SRP19: variants seen among roughly 807,000 people sequenced by gnomAD.
SRP19 encodes signal recognition particle 19 kDa protein.
SRP19 carries 11 observed loss-of-function variants against 22.4 expected under a neutral mutation model. The ratio of observed to expected loss-of-function variants is 0.49; its 90% CI spans 0.31 to 0.81. The LOEUF (loss-of-function observed/expected upper bound fraction) is 0.81. Ranked by LOEUF, SRP19 falls within the 40% of genes least tolerant of loss-of-function variation. The probability of loss-of-function intolerance (pLI) is 0.05; values close to 1 mark genes in which losing one functional copy is unlikely to be tolerated. For missense variants in SRP19, 168 were observed against 175.9 expected (o/e 0.96, Z 0.25); for synonymous variants, 61 against 57.6 (o/e 1.06, Z -0.27).
At chr5:112,873,379 C>T (rs1466144267), downstream of SRP19, among the ~76,000 whole-genome samples, 6 of 128,472 alleles carry the variant, frequency 4.7e-5, no homozygotes, top group Non-Finnish European at 8.1e-5. Flanking sequence ...TGGTGTTTCA[C>T]ACCGTCACCC....
At chr5:112,882,582 A>C (rs1394544522) in intron 4 of SRP19, among the ~76,000 whole-genome samples, 1 of 152,144 alleles carries the variant, frequency 6.6e-6, no homozygotes, top group East Asian at 1.9e-4. Flanking sequence ...CGCAAATCTC[A>C]AGCATGCCTT....
chr5:112,882,948 G>C (rs1330572278), intron 4 of SRP19, among the ~76,000 whole-genome samples: 1 of 152,100 alleles, frequency 6.6e-6, no homozygotes, highest in Non-Finnish European at 1.5e-5. Flanking sequence ...CATAAAACCT[G>C]ATTTCCCTGC....
downstream of SRP19, among the ~76,000 whole-genome samples, chr5:112,871,243 ATTTTTTTTTT>A (rs10592964): frequency 0.014 from 1,350 of 93,986 alleles, 20 homozygotes; most frequent in Middle Eastern, 0.018. Flanking sequence ...CAATCAGTGA[ATTTTTTTTTT>A]TTTTTTTTTT....
rs1274480541 is a variant in SRP19 at position 112,868,998 on chromosome 5, ATG to A, written c.*1465_*1466del. The A allele has an allele frequency of 2.0e-5, 3 of 152,152 alleles. No individual in the cohort carries two copies. The highest frequency in any genetic ancestry group is 7.2e-5 in the African/African-American group (3 of 41,426). The allele number at this position is 152,152 out of a possible 1,614,324, so 9.4% of individuals were successfully genotyped here. A position where few individuals can be genotyped will look rare whatever the true frequency, so the allele number is the denominator to read the frequency against. On this transcript the variant is annotated 3_prime_UTR_variant, in exon 5 of 5. Coordinates refer to ENST00000505459, the MANE Select transcript of SRP19 (RefSeq NM_003135.3). The stretch of plus-strand genomic sequence containing the variant: ...AAATAAATCCTGGGGAGAGGGGAGT[ATG>A]TGTAAAACATAATTCAGAGCAGCCT...
At chr5:112,896,858 G>A (rs1045757281), downstream of SRP19, 1 of 151,910 alleles carries the variant, frequency 6.6e-6, no homozygotes, top group East Asian at 1.9e-4. Context: ...TTGAACCTGG[G>A]AAAGAGGTTA....
intron 4 of SRP19, chr5:112,878,183 A>AAAGT (rs963992580): frequency 3.9e-5 from 6 of 152,662 alleles, no homozygotes; most frequent in African/African-American, 1.4e-4. Flanking sequence ...CGTATTTCCT[A>AAAGT]AAGTATTATT....
intron 4 of SRP19, chr5:112,878,864 A>G: frequency 6.2e-7 from 1 of 1,613,816 alleles, no homozygotes. Context: ...GGAAAGAAAA[A>G]TATATCAAAG....
chr5:112,892,419 G>A, exon 5 of SRP19: 1 of 1,614,098 alleles, frequency 6.2e-7, no homozygotes, highest in Non-Finnish European at 8.5e-7. Context: ...AAGTGATTCA[G>A]TTCAAGGTCA....
chr5:112,886,030 C>G (rs1419563062), intron 4 of SRP19, among the ~76,000 whole-genome samples: 1 of 152,230 alleles, frequency 6.6e-6, no homozygotes, highest in East Asian at 1.9e-4. Context: ...GCGACATGGC[C>G]TCTCCACTTG....
intron 1 of SRP19, 139 bp downstream of exon 1, chr5:112,861,556 C>A (rs888806616): frequency 6.9e-6 from 6 of 866,540 alleles, no homozygotes; most frequent in African/African-American, 1.7e-5. Flanking sequence ...CCGCGCCTCT[C>A]CCTGGCAGCT....
intron 1 of SRP19, 151 bp downstream of exon 1, chr5:112,861,568 G>A: frequency 1.3e-6 from 1 of 784,402 alleles, no homozygotes; most frequent in Non-Finnish European, 2.0e-6. Flanking sequence ...CTGGCAGCTC[G>A]TTTTTCTGAA....
At chr5:112,874,942 A>AT (rs970701000) in intron 4 of SRP19, among the ~76,000 whole-genome samples, 1 of 151,866 alleles carries the variant, frequency 6.6e-6, no homozygotes, top group Non-Finnish European at 1.5e-5. Flanking sequence ...CACCCGGCTA[A>AT]TTTTTTTGTA....
Position 112,868,912 on chromosome 5 carries a change from AAC to A in SRP19, c.*1377_*1378del, listed in dbSNP as rs1767692419. 4.6e-5 allele frequency: 7 copies of A among 152,062 alleles called. No individual in the cohort carries two copies. The highest frequency in any genetic ancestry group is 1.7e-4 in the African/African-American group (7 of 41,394). 9.4% of individuals were successfully genotyped at this position (152,062 alleles called of 1,614,324 possible). On this transcript the variant is annotated 3_prime_UTR_variant, in exon 5 of 5. Transcript: ENST00000505459. ...CTGTTGACTTTTTTTTTTTAACTCTAACAATTTCTGTTTTATAGTGAACATAA... is the reference window on the plus strand; with the variant it reads ...CTGTTGACTTTTTTTTTTTAACTCTAAATTTCTGTTTTATAGTGAACATAA...
At chr5:112,869,802 T>C (rs75711930), downstream of SRP19, 2,675 of 152,516 alleles carry the variant, frequency 0.018, 81 homozygotes, top group African/African-American at 0.061. Flanking sequence ...CCTGTGAAGG[T>C]GCCTGCTTCT....
chr5:112,871,846 G>A (rs76028188), downstream of SRP19, among the ~76,000 whole-genome samples: 641 of 152,280 alleles, frequency 4.2e-3, 3 homozygotes, highest in African/African-American at 0.014. Context: ...GTTGGGACTA[G>A]AGGTACATGG....
At chr5:112,892,045 GAA>G in exon 5 of SRP19, 1 of 1,504,704 alleles carries the variant, frequency 6.6e-7, no homozygotes, top group South Asian at 1.1e-5. Context: ...GGAGAAGAAA[GAA>G]AAAGAGGAAG....
chr5:112,897,298 C>G, downstream of SRP19: 1 of 148,076 alleles, frequency 6.8e-6, no homozygotes, highest in East Asian at 2.0e-4. Flanking sequence ...GAAGACTACT[C>G]TAAGATGTAG....
exon 5 of SRP19, chr5:112,893,018 G>C (rs773182560): frequency 6.5e-7 from 1 of 1,536,152 alleles, no homozygotes; most frequent in Non-Finnish European, 8.9e-7. Flanking sequence ...AGGTGCCGAA[G>C]TCGTGGGAGG....
intron 4 of SRP19, among the ~76,000 whole-genome samples, chr5:112,875,025 C>G (rs1337006417): frequency 1.3e-5 from 2 of 152,190 alleles, no homozygotes; most frequent in Non-Finnish European, 2.9e-5. Flanking sequence ...ATCCACCCAC[C>G]TTGGCCTCCC....
Sources: gnomAD v4.1 joint callset for allele counts (sites outside exome capture counted in the v4.1 genomes callset) on GRCh38, gnomAD v4.1.1 for gene constraint, MANE v1.5 for transcripts, NCBI Gene and HGNC (gene_info 2026-07-23, HGNC 2026-07-21) for gene names.